Variants in MAGI1 observed in about 807,000 individuals in gnomAD.
MAGI1 encodes membrane associated guanylate kinase, WW and PDZ domain containing 1, also known as membrane-associated guanylate kinase, WW and PDZ domain-containing protein 1.
A neutral mutation model predicts 139.9 loss-of-function variants in MAGI1; 58 were observed. The observed-to-expected ratio is 0.41, with a 90% CI of 0.34 to 0.52. The LOEUF is 0.52. Among genes scored for constraint, MAGI1 ranks in the 20% least tolerant of loss-of-function variants. The probability of loss-of-function intolerance (pLI) is 0.12; values close to 1 mark genes in which losing one functional copy is unlikely to be tolerated. For synonymous variants in MAGI1, 812 were observed against 737.9 expected, an observed-to-expected ratio of 1.10 and a Z score of -1.63; for missense variants, 1,874 against 1,901.6, an observed-to-expected ratio of 0.99 and a Z score of 0.27.
intron 1 of MAGI1, among the ~76,000 whole-genome samples, chr3:65,827,340 C>A (rs1281647741): frequency 1.3e-5 from 2 of 152,140 alleles, no homozygotes; most frequent in Non-Finnish European, 2.9e-5. Context: ...GAGACAAAAA[C>A]AACTACTTCC....
At chr3:65,469,244 C>G (rs1950397918) in intron 5 of MAGI1, among the ~76,000 whole-genome samples, 1 of 152,010 alleles carries the variant, frequency 6.6e-6, no homozygotes, top group African/African-American at 2.4e-5. Context: ...ATGTCCTCCC[C>G]TTCGTTATTG....
rs772309221 is a variant in MAGI1 at position 65,387,140 on chromosome 3, T to G, written c.2417-3517A>C. On this transcript the variant is annotated intron_variant, in intron 14 of 22. Coordinates refer to ENST00000402939, the MANE Select transcript of MAGI1 (RefSeq NM_001033057.2). ...GAGACAAAAGTTTTCAGCGGATCCT[T>G]ACTCGGACATTCTCCAAAATTCGTG... 1.9e-6 allele frequency: 3 copies of G among 1,612,850 alleles called. No individual in the cohort carries two copies. In the African/African-American group the frequency reaches 4.0e-5, roughly 22 times the overall value.
At chr3:65,729,949 A>G (rs1354249109) in intron 1 of MAGI1, among the ~76,000 whole-genome samples, 2 of 152,246 alleles carry the variant, frequency 1.3e-5, no homozygotes, top group African/African-American at 2.4e-5. Context: ...GAGATGCTGT[A>G]TTACTTTCTT....
At chr3:65,685,232 G>GA (rs2087918021) in intron 1 of MAGI1, among the ~76,000 whole-genome samples, 1 of 150,870 alleles carries the variant, frequency 6.6e-6, no homozygotes, top group Admixed American at 6.6e-5. Context: ...TAACAGAAGT[G>GA]AAAATACCAG....
chr3:66,010,529 G>A (rs1017646443), intron 1 of MAGI1, among the ~76,000 whole-genome samples: 5 of 152,136 alleles, frequency 3.3e-5, no homozygotes, highest in African/African-American at 1.2e-4. Context: ...CCAGGGTGCA[G>A]GCCGGCAGAT....
intron 2 of MAGI1, among the ~76,000 whole-genome samples, chr3:65,610,254 C>T (rs2082980608): frequency 6.6e-6 from 1 of 151,788 alleles, no homozygotes. Flanking sequence ...AATAGCTCGC[C>T]TCTGGGAGAA....
intron 1 of MAGI1, among the ~76,000 whole-genome samples, chr3:65,673,644 T>C (rs2086999482): frequency 1.3e-5 from 2 of 152,178 alleles, no homozygotes; most frequent in Admixed American, 6.5e-5. Context: ...ACAGGATCTC[T>C]AAGGGTGCTT....
At chr3:65,607,597 A>T (rs2082811621) in intron 2 of MAGI1, among the ~76,000 whole-genome samples, 1 of 152,208 alleles carries the variant, frequency 6.6e-6, no homozygotes, top group Non-Finnish European at 1.5e-5. Context: ...GAGTGAGAGG[A>T]AATAAAACAC....
intron 1 of MAGI1, among the ~76,000 whole-genome samples, chr3:65,845,019 G>A (rs774641652): frequency 9.2e-5 from 14 of 152,072 alleles, no homozygotes; most frequent in Non-Finnish European, 1.5e-4. Context: ...TTGGGAGGCC[G>A]AGGTGGGAGC....
chr3:65,391,217 T>C lies in MAGI1; in HGVS notation c.2341A>G (p.Thr781Ala). Residue 781 changes from threonine (T) to alanine (A), a missense_variant, in exon 14 of 23, where the codon ACT becomes GCT. Thr to Ala is a moderately conservative substitution (Grantham distance 58). This residue lies in a region of MAGI1 where 482 missense variants were observed against 509.6 expected (regional missense o/e 0.95). Transcript: ENST00000402939. Reference protein sequence around the residue: ...PPAEAQAPDQTDSSGQKKPDP... With the variant: ...PPAEAQAPDQADSSGQKKPDP... The stretch of plus-strand genomic sequence containing the variant: ...GGTTTTTTCTGGCCAGAGCTGTCAG[T>C]TTGATCTGGAGCTTGGGCCTCTGCA... 1 of 1,614,140 alleles carries C rather than the reference T, an allele frequency of 6.2e-7. No homozygotes were observed. The highest frequency in any genetic ancestry group is 8.5e-7 in the Non-Finnish European group (1 of 1,180,034).
intron 1 of MAGI1, among the ~76,000 whole-genome samples, chr3:65,668,843 T>C (rs538724407): frequency 1.8e-4 from 28 of 152,210 alleles, no homozygotes; most frequent in African/African-American, 6.0e-4. Context: ...TGAGCCACTG[T>C]GCCCAGCCGC....
At chr3:65,599,363 C>T (rs895953247) in intron 2 of MAGI1, among the ~76,000 whole-genome samples, 2 of 152,098 alleles carry the variant, frequency 1.3e-5, no homozygotes, top group Non-Finnish European at 2.9e-5. Flanking sequence ...AAATGTTGTT[C>T]CTTCATATTT....
In MAGI1 at chr3:65,512,937, A is replaced by C. The variant is rs1385281122; in HGVS notation, c.431-19306T>G. Among the ~76,000 whole-genome samples the C allele has an allele frequency of 1.8e-4, 27 of 146,590 alleles. No individual in the cohort carries two copies. In the East Asian group the frequency reaches 4.7e-3, roughly 25 times the overall value. ...ATACTGGCAAAACGAATCCAGCAGC[A>C]CATCAAAAAGCTTATCCACCATGAT... On this transcript the variant is annotated intron_variant, in intron 2 of 22. Coordinates refer to ENST00000402939, the MANE Select transcript of MAGI1 (RefSeq NM_001033057.2).
At chr3:65,683,504 G>T (rs2087742348) in intron 1 of MAGI1, among the ~76,000 whole-genome samples, 1 of 151,300 alleles carries the variant, frequency 6.6e-6, no homozygotes, top group Admixed American at 6.6e-5. Flanking sequence ...AAAAAGACAA[G>T]CTATAGGCTG....
chr3:65,462,074 T>C (rs1384605737), intron 5 of MAGI1, among the ~76,000 whole-genome samples: 1 of 152,086 alleles, frequency 6.6e-6, no homozygotes, highest in Non-Finnish European at 1.5e-5. Flanking sequence ...AGGTTGCCCA[T>C]TCACTATGAT....
chr3:65,393,006 G>A (rs932405059), intron 13 of MAGI1, among the ~76,000 whole-genome samples: 16 of 152,158 alleles, frequency 1.1e-4, no homozygotes. Flanking sequence ...TGTTGCAGAT[G>A]CCAGGAAAAC....
intron 8 of MAGI1, among the ~76,000 whole-genome samples, chr3:65,442,544 G>A (rs763374631): frequency 6.6e-6 from 1 of 152,022 alleles, no homozygotes. Context: ...GGACGATGTT[G>A]GGCCTTTGTG....
intron 1 of MAGI1, among the ~76,000 whole-genome samples, chr3:65,971,012 G>A (rs1031224464): frequency 6.6e-6 from 1 of 152,156 alleles, no homozygotes; most frequent in Admixed American, 6.5e-5. Context: ...AGACCATCAT[G>A]GCCAACATGG....
At chr3:65,675,746 C>A (rs2107487859) in intron 1 of MAGI1, among the ~76,000 whole-genome samples, 2 of 152,228 alleles carry the variant, frequency 1.3e-5, no homozygotes. Context: ...ACAACAATAA[C>A]AAAACTGATA....
Sources: allele counts gnomAD v4.1 joint callset (sites outside exome capture counted in the v4.1 genomes callset), GRCh38; gene constraint gnomAD v4.1.1; regional missense constraint gnomAD v4.1.1; transcripts MANE v1.5; gene names NCBI Gene and HGNC (gene_info 2026-07-23, HGNC 2026-07-21).